ZFHX3: variants seen among roughly 807,000 people sequenced by gnomAD.
The protein encoded by ZFHX3 is zinc finger homeobox protein 3.
In ZFHX3, 42 loss-of-function variants were observed where a neutral mutation model predicts 279.1. The ratio of observed to expected loss-of-function variants is 0.15; its 90% CI spans 0.12 to 0.19. The LOEUF is 0.19. ZFHX3 is among the 10% of genes least tolerant of loss of function. The pLI is 1.00. For missense variants in ZFHX3, 4,981 were observed against 4,754.0 expected, an observed-to-expected ratio of 1.05 and a Z score of -1.40; for synonymous variants, 2,293 against 1,957.8, an observed-to-expected ratio of 1.17 and a Z score of -4.52.
intron 1 of ZFHX3, among the ~76,000 whole-genome samples, chr16:72,962,299 TCTC>T (rs1408511339): frequency 2.0e-5 from 3 of 152,192 alleles, no homozygotes; most frequent in Non-Finnish European, 4.4e-5. Context: ...CTTGCTCCGT[TCTC>T]CTCTTATTCC....
intron 1 of ZFHX3, among the ~76,000 whole-genome samples, chr16:73,047,445 C>A (rs1302472647): frequency 3.3e-5 from 5 of 152,118 alleles, no homozygotes; most frequent in Non-Finnish European, 1.5e-5. Context: ...ACCCAAACTT[C>A]TAAATGACAC....
chr16:73,335,727 T>C (rs951725899), intron 3 of ZFHX3, among the ~76,000 whole-genome samples: 19 of 152,208 alleles, frequency 1.2e-4, no homozygotes, highest in Middle Eastern at 3.4e-3. Context: ...GTGATTTGAA[T>C]TGAAAGGGGC....
chr16:72,911,132 G>A (rs754482129), intron 3 of ZFHX3, among the ~76,000 whole-genome samples: 8 of 152,226 alleles, frequency 5.3e-5, no homozygotes, highest in Non-Finnish European at 1.2e-4. Context: ...CTGCAAAACA[G>A]AAGGTGAGAA....
chr16:73,055,705 CACACACACACACACACAT>C (rs900919735), intron 1 of ZFHX3, among the ~76,000 whole-genome samples: 7 of 150,024 alleles, frequency 4.7e-5, no homozygotes, highest in Non-Finnish European at 1.0e-4. Flanking sequence ...CGCGCACACA[CACACACACACACACACAT>C]ACACACACAC....
intron 3 of ZFHX3, among the ~76,000 whole-genome samples, chr16:73,443,429 T>C (rs1296287648): frequency 6.6e-6 from 1 of 152,218 alleles, no homozygotes; most frequent in Non-Finnish European, 1.5e-5. Context: ...TGCAAAGTTT[T>C]TGCAAAAGAT....
chr16:73,584,526 A>G (rs28555384), intron 2 of ZFHX3, among the ~76,000 whole-genome samples: 14,118 of 152,244 alleles, frequency 0.093, 1,723 homozygotes, highest in African/African-American at 0.27. Flanking sequence ...GATAGTGGGG[A>G]AAAAATATTT....
upstream of ZFHX3, chr16:73,060,925 G>A (rs947489394): frequency 8.5e-5 from 13 of 152,224 alleles, no homozygotes; most frequent in African/African-American, 2.9e-4. Context: ...CAGCTTCTTA[G>A]TCAAGACTAG....
At chr16:73,843,160 G>A (rs9923645) in intron 1 of ZFHX3, among the ~76,000 whole-genome samples, 4,234 of 152,298 alleles carry the variant, frequency 0.028, 197 homozygotes, top group African/African-American at 0.098. Context: ...TAACTGGCAC[G>A]AAGTGAAGTT....
intron 2 of ZFHX3, among the ~76,000 whole-genome samples, chr16:73,517,678 G>A (rs1271455193): frequency 6.6e-6 from 1 of 152,160 alleles, no homozygotes; most frequent in Non-Finnish European, 1.5e-5. Flanking sequence ...GAGGGAGCTG[G>A]GGTATTTATA....
chr16:73,004,965 GCTAT>G (rs1296007630), intron 1 of ZFHX3, among the ~76,000 whole-genome samples: 4 of 152,090 alleles, frequency 2.6e-5, no homozygotes, highest in African/African-American at 7.2e-5. Context: ...CCGCCATTTG[GCTAT>G]CTAACTGTCC....
At chr16:73,199,611 C>T (rs1399407704) in intron 5 of ZFHX3, among the ~76,000 whole-genome samples, 2 of 152,162 alleles carry the variant, frequency 1.3e-5, no homozygotes, top group Non-Finnish European at 2.9e-5. Context: ...TACACAAGTC[C>T]TTACAGCCCT....
rs373198214 is a variant in ZFHX3, at chr16:73,600,662, C to T, written c.-1547+79518G>A. On this transcript the variant is annotated intron_variant, in intron 2 of 17. Coordinates refer to the ZFHX3 transcript ENST00000641206. ...GTCTCGATCTCTTGACCTCGTGATC[C>T]GCCCGCCTCGGCCTCCCAAAGTGCT... is the stretch of plus-strand genomic sequence containing the variant. Among the ~76,000 whole-genome samples, 315 of 152,128 alleles carry T rather than the reference C, an allele frequency of 2.1e-3. 1 individual carries two copies. The highest frequency in any genetic ancestry group is 7.5e-3 in the South Asian group (36 of 4,808).
intron 3 of ZFHX3, among the ~76,000 whole-genome samples, chr16:73,414,877 T>C (rs1432752229): frequency 1.3e-5 from 2 of 152,148 alleles, no homozygotes; most frequent in Non-Finnish European, 2.9e-5. Context: ...CCCAAACCAG[T>C]ACATTCCTCT....
At chr16:73,539,339 C>T (rs917948475) in intron 2 of ZFHX3, among the ~76,000 whole-genome samples, 1 of 151,570 alleles carries the variant, frequency 6.6e-6, no homozygotes, top group East Asian at 1.9e-4. Flanking sequence ...ACCCGCCTCT[C>T]CTGCAAGCCC....
chr16:73,275,986 G>GC (rs544598383), intron 4 of ZFHX3, among the ~76,000 whole-genome samples: 1 of 151,504 alleles, frequency 6.6e-6, no homozygotes, highest in African/African-American at 2.4e-5. Flanking sequence ...AAGAGTGATG[G>GC]GGGGGGACAG....
At chr16:72,948,432 T>A (rs1229674412) in intron 3 of ZFHX3, among the ~76,000 whole-genome samples, 1 of 152,166 alleles carries the variant, frequency 6.6e-6, no homozygotes, top group Admixed American at 6.5e-5. Context: ...AGGCCAGCAG[T>A]GCAGAAACAT....
chr16:73,029,136 G>C (rs1021220097), intron 1 of ZFHX3, among the ~76,000 whole-genome samples: 5 of 152,128 alleles, frequency 3.3e-5, no homozygotes, highest in African/African-American at 1.2e-4. Context: ...GGGCCATCTT[G>C]GCTGCCCAGG....
At chr16:73,532,291 G>A (rs1211011344) in intron 2 of ZFHX3, among the ~76,000 whole-genome samples, 1 of 152,002 alleles carries the variant, frequency 6.6e-6, no homozygotes, top group African/African-American at 2.4e-5. Context: ...GAGACCTGAT[G>A]GTTTTATATG....
At chr16:72,950,283 T>G (rs1960917853) in intron 3 of ZFHX3, among the ~76,000 whole-genome samples, 186 bp downstream of exon 3, 1 of 152,142 alleles carries the variant, frequency 6.6e-6, no homozygotes, top group African/African-American at 2.4e-5. Flanking sequence ...TCACTGAACC[T>G]GTCACGTTTC....
Sources: allele counts gnomAD v4.1 joint callset (sites outside exome capture counted in the v4.1 genomes callset), GRCh38; gene constraint gnomAD v4.1.1; transcripts MANE v1.5; gene names NCBI Gene and HGNC (gene_info 2026-07-23, HGNC 2026-07-21).